The following ERBB4 variants were observed in gnomAD, a reference collection of about 807,000 sequenced individuals.
The protein encoded by ERBB4 is erb-b2 receptor tyrosine kinase 4.
A neutral mutation model predicts 158.0 loss-of-function variants in ERBB4; 42 were observed. The observed-to-expected ratio is 0.27, with a 90% CI of 0.21 to 0.34. ERBB4 has a LOEUF of 0.34. Ranked by LOEUF, ERBB4 falls within the 10% of genes least tolerant of loss-of-function variation. The pLI, the probability that ERBB4 is intolerant of heterozygous loss-of-function variation, is 1.00. For missense variants in ERBB4, 1,333 were observed against 1,624.1 expected (o/e 0.82, Z 3.08); for synonymous variants, 583 against 558.7 (o/e 1.04, Z -0.61).
chr2:212,264,911 G>A (rs970296425), intron 1 of ERBB4, among the ~76,000 whole-genome samples: 1 of 152,070 alleles, frequency 6.6e-6, no homozygotes, highest in African/African-American at 2.4e-5. Context: ...ATAGCTACTG[G>A]TGGCAGTGTT....
chr2:212,215,089 G>A (rs2083057982), intron 1 of ERBB4, among the ~76,000 whole-genome samples: 1 of 151,578 alleles, frequency 6.6e-6, no homozygotes, highest in Admixed American at 6.6e-5. Context: ...GAGGGGAAGA[G>A]GAGCAAGCAA....
At chr2:211,455,031 G>C (rs1414098003) in intron 20 of ERBB4, among the ~76,000 whole-genome samples, 1 of 152,164 alleles carries the variant, frequency 6.6e-6, no homozygotes, top group African/African-American at 2.4e-5. Flanking sequence ...TCAGTCTTTT[G>C]CTACTTACAA....
chr2:211,420,576 G>C lies in ERBB4; in HGVS notation c.3000C>G (p.Asp1000Glu). 5 of 1,612,902 alleles carry C rather than the reference G, an allele frequency of 3.1e-6. No individual in the cohort carries two copies. Among genetic ancestry groups the C allele is most frequent in the Non-Finnish European group, 4.2e-6 (5 of 1,179,200 alleles). The change falls in exon 25 of 28, where the codon GAC (aspartate) becomes GAG (glutamate). Residue 1000 changes from aspartate (D) to glutamate (E), a missense_variant. Asp to Glu is a conservative substitution (Grantham distance 45). Coordinates refer to ENST00000342788, the MANE Select transcript of ERBB4 (RefSeq NM_005235.3). ...DDRMKLPSPN[D>E]SKFFQNLLDE... Reference sequence around the variant, plus strand: ...CCAAGAGATTCTGAAAGAACTTGCTGTCATTTGGACTGGGAAGCTTCATAC... The same window carrying C: ...CCAAGAGATTCTGAAAGAACTTGCTCTCATTTGGACTGGGAAGCTTCATAC...
chr2:211,570,739 C>T (rs2067699846), intron 19 of ERBB4, among the ~76,000 whole-genome samples: 1 of 152,050 alleles, frequency 6.6e-6, no homozygotes, highest in South Asian at 2.1e-4. Context: ...TCAATTTTGC[C>T]CTATCTGTAC....
chr2:212,470,418 C>G (rs1468326048), intron 1 of ERBB4, among the ~76,000 whole-genome samples: 3 of 152,070 alleles, frequency 2.0e-5, no homozygotes, highest in Non-Finnish European at 4.4e-5. Context: ...ATCATAGGAC[C>G]AACTCCTCCC....
chr2:211,721,168 T>A (rs2074077434), intron 7 of ERBB4, among the ~76,000 whole-genome samples: 1 of 152,184 alleles, frequency 6.6e-6, no homozygotes, highest in Non-Finnish European at 1.5e-5. Context: ...GCATTTTGAC[T>A]GTGACCTATC....
At chr2:212,336,587 C>T (rs186728927) in intron 1 of ERBB4, among the ~76,000 whole-genome samples, 27 of 152,096 alleles carry the variant, frequency 1.8e-4, no homozygotes, top group Middle Eastern at 3.4e-3. Context: ...TTTGATAGCC[C>T]GAAATCACAG....
intron 2 of ERBB4, among the ~76,000 whole-genome samples, chr2:212,099,144 AAAATAAATAAATAAAT>A (rs59327182): frequency 0.29 from 40,838 of 142,876 alleles, 7,102 homozygotes; most frequent in African/African-American, 0.48. Flanking sequence ...GCCCCTCTCT[AAAATAAATAAATAAAT>A]AAATAAATAA....
At chr2:212,137,688 C>G (rs762740867) in intron 1 of ERBB4, among the ~76,000 whole-genome samples, 4 of 152,042 alleles carry the variant, frequency 2.6e-5, no homozygotes, top group Non-Finnish European at 5.9e-5. Flanking sequence ...GGGCATATAC[C>G]CAGTAATGCG....
chr2:212,467,387 G>A lies in ERBB4; in HGVS notation c.82+71062C>T, dbSNP rs186746541. 1.3e-3 allele frequency among the ~76,000 whole-genome samples: 203 copies of A among 152,258 alleles called. 2 individuals are homozygous for A. Among genetic ancestry groups the A allele is most frequent in the Middle Eastern group, 6.8e-3 (2 of 294 alleles). Reference sequence around the variant, plus strand: ...AGTGGTTTCATGGGCCAGGCCCAGAGTCCCTATGCTGTGTACAGCCTAGAG... The same window carrying A: ...AGTGGTTTCATGGGCCAGGCCCAGAATCCCTATGCTGTGTACAGCCTAGAG... On this transcript the variant is annotated intron_variant, in intron 1 of 27. Transcript: ENST00000342788.
intron 19 of ERBB4, among the ~76,000 whole-genome samples, chr2:211,591,296 T>C (rs2068455267): frequency 6.6e-6 from 1 of 152,176 alleles, no homozygotes; most frequent in Admixed American, 6.5e-5. Flanking sequence ...GGGGATAGAT[T>C]AGGGGAGGGG....
intron 2 of ERBB4, among the ~76,000 whole-genome samples, chr2:212,123,443 T>G (rs1377479560): frequency 6.6e-6 from 1 of 152,078 alleles, no homozygotes; most frequent in Non-Finnish European, 1.5e-5. Context: ...AACAAAAAAG[T>G]AAGTTCTTTT....
At chr2:212,381,972 A>G (rs1275799391) in intron 1 of ERBB4, among the ~76,000 whole-genome samples, 1 of 151,056 alleles carries the variant, frequency 6.6e-6, no homozygotes, top group Non-Finnish European at 1.5e-5. Flanking sequence ...GTAGATCCTC[A>G]CTACTCAAAG....
intron 1 of ERBB4, among the ~76,000 whole-genome samples, chr2:212,275,285 C>T (rs1254660707): frequency 6.6e-6 from 1 of 151,878 alleles, no homozygotes; most frequent in Non-Finnish European, 1.5e-5. Flanking sequence ...TGGGTATATA[C>T]CCAGTAATGG....
intron 20 of ERBB4, among the ~76,000 whole-genome samples, chr2:211,556,485 TTTC>T (rs2067240651): frequency 6.6e-6 from 1 of 152,156 alleles, no homozygotes; most frequent in African/African-American, 2.4e-5. Context: ...TAGAATATAC[TTTC>T]TTCTTTTTTT....
chr2:211,772,946 TATA>T lies in ERBB4; in HGVS notation c.556+15076_556+15078del, dbSNP rs1468683944. 3.5e-3 allele frequency among the ~76,000 whole-genome samples: 296 copies of T among 85,504 alleles called. 30 individuals carry two copies. The East Asian group carries it at 0.058, about 17-fold the overall frequency. 56.1% of individuals were successfully genotyped at this position (85,504 alleles called of 152,430 possible). A position where few individuals can be genotyped will look rare whatever the true frequency, so the allele number is the denominator to read the frequency against. ...ACACATATATATATATATATATATA[TATA>T]TATATATTTTTTTTTTTAAAGATGG... On this transcript the variant is annotated intron_variant, in intron 4 of 27. Coordinates refer to ENST00000342788, the MANE Select transcript of ERBB4 (RefSeq NM_005235.3).
intron 1 of ERBB4, among the ~76,000 whole-genome samples, chr2:212,526,499 C>T (rs559389245): frequency 3.3e-5 from 5 of 152,024 alleles, no homozygotes; most frequent in Admixed American, 2.6e-4. Context: ...CCATTAATTC[C>T]GAATACGTTT....
At chr2:211,445,831 G>T (rs1368239392) in intron 20 of ERBB4, among the ~76,000 whole-genome samples, 1 of 152,098 alleles carries the variant, frequency 6.6e-6, no homozygotes, top group Non-Finnish European at 1.5e-5. Context: ...CACCCCCAGA[G>T]AATTGAAATA....
chr2:212,069,222 A>T (rs2078036075), intron 2 of ERBB4, among the ~76,000 whole-genome samples: 1 of 152,134 alleles, frequency 6.6e-6, no homozygotes, highest in South Asian at 2.1e-4. Context: ...TATAAATAGG[A>T]TCACACACCA....
Sources: allele counts gnomAD v4.1 joint callset (sites outside exome capture counted in the v4.1 genomes callset), GRCh38; gene constraint gnomAD v4.1.1; transcripts MANE v1.5; gene names NCBI Gene and HGNC (gene_info 2026-07-23, HGNC 2026-07-21).